Variants in PARP8 observed in about 807,000 individuals in gnomAD.
PARP8 encodes poly(ADP-ribose) polymerase family member 8.
In PARP8, 51 loss-of-function variants were observed where a neutral mutation model predicts 124.1. The ratio of observed to expected loss-of-function variants is 0.41; its 90% CI spans 0.33 to 0.52. PARP8 has a LOEUF of 0.52. Ranked by LOEUF, PARP8 falls within the 20% of genes least tolerant of loss-of-function variation. PARP8 has a pLI of 0.21. For synonymous variants in PARP8, 391 were observed against 361.5 expected, an observed-to-expected ratio of 1.08 and a Z score of -0.93; for missense variants, 860 against 1,018.9, an observed-to-expected ratio of 0.84 and a Z score of 2.12.
At chr5:50,712,255 A>G (rs1754835754) in intron 2 of PARP8, among the ~76,000 whole-genome samples, 1 of 152,162 alleles carries the variant, frequency 6.6e-6, no homozygotes, top group South Asian at 2.1e-4. Flanking sequence ...TATATTTAGA[A>G]ATAGATATTT....
At chr5:50,821,440 C>CT (rs1309391511) in intron 16 of PARP8, 102 bp downstream of exon 16, 105 of 1,304,164 alleles carry the variant, frequency 8.1e-5, no homozygotes, top group Non-Finnish European at 1.1e-4. Context: ...ATCTAAATCT[C>CT]TATCTCATCA....
intron 2 of PARP8, among the ~76,000 whole-genome samples, chr5:50,724,870 A>T (rs1221558172): frequency 3.3e-5 from 5 of 151,772 alleles, no homozygotes; most frequent in African/African-American, 1.2e-4. Context: ...TCCCACTCTG[A>T]GTCTCAAAAG....
intron 2 of PARP8, among the ~76,000 whole-genome samples, chr5:50,723,134 A>G (rs1337073747): frequency 6.6e-6 from 1 of 152,144 alleles, no homozygotes; most frequent in Non-Finnish European, 1.5e-5. Flanking sequence ...AGTAAGCTAA[A>G]CATTTCTTTC....
rs150525197 is a variant in PARP8 at position 50,797,079 on chromosome 5, G to A, written c.1479+47G>A. ...ATTGTACAAATATTTTAGTTCTTACGGGGTTTTTAAATCATTTATGAGCTT... is the reference window on the plus strand; with the variant it reads ...ATTGTACAAATATTTTAGTTCTTACAGGGTTTTTAAATCATTTATGAGCTT... On this transcript the variant is annotated intron_variant, in intron 13 of 25. Coordinates refer to ENST00000281631, the MANE Select transcript of PARP8 (RefSeq NM_024615.4). 297 of 1,609,098 alleles carry A rather than the reference G, an allele frequency of 1.8e-4. No individual in the cohort carries two copies. The African/African-American group carries it at 2.3e-3, about 12-fold the overall frequency.
intron 2 of PARP8, among the ~76,000 whole-genome samples, chr5:50,720,193 A>G (rs1755733793): frequency 6.6e-6 from 1 of 152,098 alleles, no homozygotes; most frequent in Non-Finnish European, 1.5e-5. Context: ...CATTTGATTT[A>G]TCACTGTCAA....
chr5:50,817,203 T>C (rs142527845), intron 15 of PARP8, among the ~76,000 whole-genome samples: 1 of 152,322 alleles, frequency 6.6e-6, no homozygotes, highest in African/African-American at 2.4e-5. Flanking sequence ...TGTTACATCA[T>C]AAAATTAATG....
chr5:50,678,559 T>C (rs1207542119), intron 2 of PARP8, among the ~76,000 whole-genome samples: 10 of 152,148 alleles, frequency 6.6e-5, no homozygotes, highest in Admixed American at 2.0e-4. Context: ...TAGATAAATA[T>C]AGATATATGA....
chr5:50,715,879 T>C (rs1167710239), intron 2 of PARP8, among the ~76,000 whole-genome samples: 1 of 152,080 alleles, frequency 6.6e-6, no homozygotes, highest in Non-Finnish European at 1.5e-5. Context: ...TACTACCTTC[T>C]TCATACATAA....
chr5:50,809,339 T>C (rs995812194), intron 14 of PARP8, among the ~76,000 whole-genome samples: 7 of 152,140 alleles, frequency 4.6e-5, no homozygotes, highest in Non-Finnish European at 7.4e-5. Context: ...ATTTTTTCAA[T>C]ACCAGTTTTT....
chr5:50,771,603 A>G (rs925270805), intron 7 of PARP8, among the ~76,000 whole-genome samples: 13 of 152,264 alleles, frequency 8.5e-5, no homozygotes, highest in Non-Finnish European at 1.5e-4. Flanking sequence ...ACATAAAACC[A>G]TTTAATCAGT....
intron 2 of PARP8, among the ~76,000 whole-genome samples, chr5:50,690,044 C>T (rs746496675): frequency 3.4e-4 from 51 of 152,152 alleles, no homozygotes; most frequent in Non-Finnish European, 6.3e-4. Context: ...CCCAAGGGGA[C>T]AAGGGAGACT....
chr5:50,721,663 G>T (rs77095030), intron 2 of PARP8, among the ~76,000 whole-genome samples: 2,011 of 152,164 alleles, frequency 0.013, 55 homozygotes, highest in African/African-American at 0.046. Context: ...TGAGATTGAT[G>T]ATGTTCTGTG....
intron 2 of PARP8, among the ~76,000 whole-genome samples, chr5:50,713,723 AC>A (rs1290203580): frequency 5.3e-5 from 8 of 152,178 alleles, no homozygotes; most frequent in African/African-American, 1.9e-4. Flanking sequence ...TGGGGGGATT[AC>A]CTTGATAATT....
chr5:50,739,399 G>A, intron 2 of PARP8, among the ~76,000 whole-genome samples: 1 of 151,902 alleles, frequency 6.6e-6, no homozygotes. Flanking sequence ...TGGGGGGATG[G>A]GGGTGGGGAG....
Position 50,828,164 on chromosome 5 carries a change from A to T in PARP8, c.2090+108A>T. The stretch of plus-strand genomic sequence containing the variant: ...GTAAATGATCATTCAGTAGATGGTC[A>T]TTCAACAGATGGTCATGTAGTCAAC... On this transcript the variant is annotated intron_variant, in intron 20 of 25. Coordinates refer to ENST00000281631, the MANE Select transcript of PARP8 (RefSeq NM_024615.4). 1.1e-5 allele frequency: 12 copies of T among 1,124,422 alleles called. No individual in the cohort carries two copies. The South Asian group carries it at 1.6e-4, about 15-fold the overall frequency. The allele number at this position is 1,124,422 out of a possible 1,614,324, so 69.7% of individuals were successfully genotyped here. A position where few individuals can be genotyped will look rare whatever the true frequency, so the allele number is the denominator to read the frequency against.
intron 2 of PARP8, among the ~76,000 whole-genome samples, chr5:50,716,364 T>C (rs1446936367): frequency 6.6e-6 from 1 of 152,114 alleles, no homozygotes; most frequent in Non-Finnish European, 1.5e-5. Flanking sequence ...ATTGGGCGGC[T>C]TCTCCTCTGT....
At position 50,797,035 on chromosome 5, in the gene PARP8, A is replaced by G. The variant is rs1325505040; in HGVS notation, c.1479+3A>G. The G allele has an allele frequency of 3.1e-6, 5 of 1,613,016 alleles. No homozygotes were observed. In the African/African-American group the frequency reaches 4.0e-5, roughly 13 times the overall value. ...GAGACCGTGGCTTCCTGGTGCAGGT[A>G]TGAGCCAAAACTCTATCCATTGTAC... On this transcript the variant is annotated splice_donor_region_variant and intron_variant, in intron 13 of 25. Coordinates refer to ENST00000281631, the MANE Select transcript of PARP8 (RefSeq NM_024615.4).
intron 2 of PARP8, among the ~76,000 whole-genome samples, chr5:50,673,225 A>G (rs1454286533): frequency 2.0e-5 from 3 of 152,150 alleles, no homozygotes; most frequent in African/African-American, 7.2e-5. Flanking sequence ...GGGTCTTCAT[A>G]TCTTTTTTAA....
intron 7 of PARP8, among the ~76,000 whole-genome samples, chr5:50,773,957 C>T (rs1761898098): frequency 6.6e-6 from 1 of 151,512 alleles, no homozygotes; most frequent in African/African-American, 2.4e-5. Context: ...ACAAAGGTCT[C>T]TGGTTTTCCT....
Sources: allele counts gnomAD v4.1 joint callset (sites outside exome capture counted in the v4.1 genomes callset), GRCh38; gene constraint gnomAD v4.1.1; transcripts MANE v1.5; gene names NCBI Gene and HGNC (gene_info 2026-07-23, HGNC 2026-07-21).